The following ACLY variants were observed in gnomAD, a reference collection of about 807,000 sequenced individuals.
ACLY encodes ATP-citrate synthase.
A neutral mutation model predicts 133.0 loss-of-function variants in ACLY; 41 were observed. The observed-to-expected ratio is 0.31, with a 90% CI of 0.24 to 0.40. The LOEUF (loss-of-function observed/expected upper bound fraction) is 0.40, where lower values mean the gene tolerates loss of function less well. ACLY is among the 10% of genes least tolerant of loss of function. ACLY has a pLI of 1.00. For missense variants in ACLY, 1,046 were observed against 1,453.8 expected, an observed-to-expected ratio of 0.72 and a Z score of 4.56; for synonymous variants, 495 against 549.3, an observed-to-expected ratio of 0.90 and a Z score of 1.38.
Position 41,868,771 on chromosome 17 carries a change from T to C in ACLY, c.3149A>G (p.Glu1050Gly). 6.2e-7 allele frequency: 1 copy of C among 1,613,864 alleles called. No individual in the cohort carries two copies. The highest frequency in any genetic ancestry group is 8.5e-7 in the Non-Finnish European group (1 of 1,180,006). The stretch of plus-strand genomic sequence containing the variant: ...ATTGAGGGCTCCAATGTCAATATAT[T>C]CATCAGCTTCCTCCCTGCAACACAC... ...CGSFTREEAD[E>G]YIDIGALNGI... The change falls in exon 28 of 29, where the codon GAA (glutamate) becomes GGA (glycine). Residue 1050 changes from glutamate (E) to glycine (G), a missense_variant. Physicochemically the swap from Glu to Gly is moderately conservative, Grantham distance 98. Coordinates refer to ENST00000352035, the MANE Select transcript of ACLY (RefSeq NM_001096.3).
intron 19 of ACLY, among the ~76,000 whole-genome samples, chr17:41,883,775 G>C (rs1269573953): frequency 6.6e-6 from 1 of 151,802 alleles, no homozygotes; most frequent in Non-Finnish European, 1.5e-5. Flanking sequence ...AGTAGAGATG[G>C]GGTTTCACCA....
chr17:41,910,185 A>T, intron 4 of ACLY, 37 bp downstream of exon 4: 1 of 1,598,318 alleles, frequency 6.3e-7, no homozygotes, highest in South Asian at 1.1e-5. Flanking sequence ...AGGTTCCAGG[A>T]GGGAGAAGAC....
At chr17:41,900,276 T>G (rs1555631311) in intron 11 of ACLY, among the ~76,000 whole-genome samples, 1 of 149,962 alleles carries the variant, frequency 6.7e-6, no homozygotes, top group Admixed American at 6.7e-5. Flanking sequence ...GGCAGGAGAA[T>G]GGCGTGGACC....
At chr17:41,901,196 G>A (rs1555631549) in intron 11 of ACLY, among the ~76,000 whole-genome samples, 1 of 151,704 alleles carries the variant, frequency 6.6e-6, no homozygotes, top group Non-Finnish European at 1.5e-5. Flanking sequence ...CTGAGCTCAA[G>A]GGATCCTCCC....
At chr17:41,868,869 T>TGA (rs1286887271) in intron 27 of ACLY, 84 bp from the exon 28 acceptor site, 1 of 1,482,662 alleles carries the variant, frequency 6.7e-7, no homozygotes, top group Non-Finnish European at 9.4e-7. Context: ...TGCCCAAGAA[T>TGA]GAGAAGAAAA....
At chr17:41,903,241 T>C (rs2049588647) in intron 10 of ACLY, among the ~76,000 whole-genome samples, 1 of 152,140 alleles carries the variant, frequency 6.6e-6, no homozygotes, top group African/African-American at 2.4e-5. Context: ...AATGGCCTCC[T>C]TGGGTGGCTA....
chr17:41,929,364 G>C (rs1469458037), intron 1 of ACLY, among the ~76,000 whole-genome samples: 1 of 152,112 alleles, frequency 6.6e-6, no homozygotes, highest in Non-Finnish European at 1.5e-5. Context: ...AAAGTACTGG[G>C]ATTACAGGCA....
At chr17:41,875,162 A>C (rs749287407) in intron 22 of ACLY, among the ~76,000 whole-genome samples, 11 of 151,980 alleles carry the variant, frequency 7.2e-5, no homozygotes, top group Non-Finnish European at 1.2e-4. Context: ...CAGCCTGGCC[A>C]ACATGGTGAA....
At position 41,910,268 on chromosome 17, in the gene ACLY, C is replaced by G. The variant is rs1555633434; in HGVS notation, c.299G>C (p.Gly100Ala). Residue 100 changes from glycine to alanine, a missense_variant, in exon 4 of 29, where the codon GGC (glycine) becomes GCC (alanine). By Grantham distance (60) the Gly-to-Ala change is moderately conservative. Around this residue, in one of 4 missense-constraint regions of ACLY, gnomAD observed 227 missense variants for 245.6 expected, o/e 0.92. Coordinates refer to ENST00000352035, the MANE Select transcript of ACLY (RefSeq NM_001096.3). ...GQEATVGKAT[G>A]FLKNFLIEPF... is the part of the protein sequence containing the mutation. Reference sequence around the variant, plus strand: ...CTCGATCAGAAAGTTCTTGAGGAAGCCTGTGGCCTTGCCAACCTACAGAAA... The same window carrying G: ...CTCGATCAGAAAGTTCTTGAGGAAGGCTGTGGCCTTGCCAACCTACAGAAA... The G allele has an allele frequency of 9.9e-6, 16 of 1,613,824 alleles. No homozygotes were observed. Among genetic ancestry groups the G allele is most frequent in the Middle Eastern group, 1.7e-4 (1 of 6,060 alleles).
At position 41,883,109 on chromosome 17, in the gene ACLY, ATC is replaced by A. The variant is rs1415202385; in HGVS notation, c.2265+11_2265+12del. 3.1e-6 allele frequency: 5 copies of A among 1,609,660 alleles called. No individual in the cohort carries two copies. Among genetic ancestry groups the A allele is most frequent in the Non-Finnish European group, 4.2e-6 (5 of 1,177,150 alleles). ...CCCACTCCCAGCCCAGAAGTGACCC[ATC>A]TCAGCCATACCTCAGAGGAGAACAT... On this transcript the variant is annotated intron_variant, in intron 20 of 28. Transcript: ENST00000352035.
intron 19 of ACLY, 86 bp downstream of exon 19, chr17:41,884,107 T>TGTTTGGTTACATTTAA (rs2048990284): frequency 2.4e-6 from 2 of 826,226 alleles, no homozygotes; most frequent in African/African-American, 3.4e-5. Flanking sequence ...TTAAGTTACA[T>TGTTTGGTTACATTTAA]GTAACCAAAA....
chr17:41,878,735 G>T, intron 21 of ACLY, 62 bp downstream of exon 21: 1 of 1,601,968 alleles, frequency 6.2e-7, no homozygotes, highest in Non-Finnish European at 8.5e-7. Context: ...GGGAGAGGCT[G>T]CTGTCTCAGG....
chr17:41,897,190 T>C (rs535289136), intron 13 of ACLY, among the ~76,000 whole-genome samples: 1 of 151,936 alleles, frequency 6.6e-6, no homozygotes, highest in East Asian at 1.9e-4. Context: ...ACCACTTATG[T>C]AGAGCTGGCT....
intron 16 of ACLY, among the ~76,000 whole-genome samples, chr17:41,890,519 C>T (rs1196875035): frequency 1.3e-5 from 2 of 149,450 alleles, no homozygotes; most frequent in African/African-American, 2.5e-5. Flanking sequence ...TCCGTCTCTA[C>T]TAAAAATACA....
rs1319449723 is a variant in ACLY at position 41,871,780 on chromosome 17, G to C, written c.2846C>G (p.Ala949Gly). The C allele has an allele frequency of 1.9e-6, 3 of 1,613,998 alleles. No homozygotes were observed. The highest frequency in any genetic ancestry group is 2.5e-6 in the Non-Finnish European group (3 of 1,179,952). ...LDAAAKMFSK[A>G]FDSGIIPMEF... is the part of the protein sequence containing the mutation. ...CATGGGGATAATGCCACTGTCAAAG[G>C]CTTTACTGAACATCTTGGCTGCTGC... Residue 949 changes from alanine (A) to glycine (G), a missense_variant, in exon 25 of 29, where the codon GCC (alanine) becomes GGC (glycine). This residue lies in a region of ACLY where 205 missense variants were observed against 373.3 expected (regional missense o/e 0.55). Transcript: ENST00000352035.
intron 21 of ACLY, 125 bp downstream of exon 21, chr17:41,878,672 A>C: frequency 1.6e-6 from 2 of 1,225,186 alleles, no homozygotes; most frequent in Non-Finnish European, 2.3e-6. Context: ...TGAACCATCC[A>C]TACAGCTGCG....
At chr17:41,874,805 C>T (rs530029247) in intron 22 of ACLY, among the ~76,000 whole-genome samples, 16 of 142,846 alleles carry the variant, frequency 1.1e-4, no homozygotes, top group African/African-American at 4.1e-4. Context: ...AATCTCCTGA[C>T]CTCATGATCC....
intron 17 of ACLY, 106 bp from the exon 18 acceptor site, chr17:41,886,414 G>A: frequency 3.4e-6 from 4 of 1,168,718 alleles, no homozygotes; most frequent in Non-Finnish European, 3.6e-6. Context: ...GCCAGGCTGG[G>A]GAGAGAATGA....
At position 41,896,913 on chromosome 17, in the gene ACLY, C is replaced by G. The variant is rs529488749; in HGVS notation, c.1430-264G>C. Among the ~76,000 whole-genome samples, 4 of 152,358 alleles carry G rather than the reference C, an allele frequency of 2.6e-5. No individual in the cohort carries two copies. In the East Asian group the frequency reaches 7.7e-4, roughly 29 times the overall value. On this transcript the variant is annotated intron_variant, in intron 13 of 28. Coordinates refer to ENST00000352035, the MANE Select transcript of ACLY (RefSeq NM_001096.3). Reference sequence around the variant, plus strand: ...GGAGGACAAAGGCTGGGCAGATGTGCTCAACACCAGCGCCTCCCCCAGGCC... The same window carrying G: ...GGAGGACAAAGGCTGGGCAGATGTGGTCAACACCAGCGCCTCCCCCAGGCC...
Sources: gnomAD v4.1 joint callset for allele counts (sites outside exome capture counted in the v4.1 genomes callset) on GRCh38, gnomAD v4.1.1 for gene constraint, gnomAD v4.1.1 regional missense constraint, MANE v1.5 for transcripts, NCBI Gene and HGNC (gene_info 2026-07-23, HGNC 2026-07-21) for gene names.